Variants in KCNJ3 observed in about 807,000 individuals in gnomAD.
KCNJ3 encodes the protein G protein-activated inward rectifier potassium channel 1.
Under a neutral mutation model 39.2 loss-of-function variants are expected in KCNJ3, and 4 were observed. The ratio of observed to expected loss-of-function variants is 0.10; its 90% confidence interval spans 0.05 to 0.23. KCNJ3 has a LOEUF of 0.23. Among genes scored for constraint, KCNJ3 ranks in the 10% least tolerant of loss-of-function variants. The pLI, the probability that KCNJ3 is intolerant of heterozygous loss-of-function variation, is 1.00. For missense variants in KCNJ3, 276 were observed against 634.9 expected, an observed-to-expected ratio of 0.43 and a Z score of 6.08; for synonymous variants, 230 against 237.4, an observed-to-expected ratio of 0.97 and a Z score of 0.29.
At position 154,856,892 on chromosome 2, in the gene KCNJ3, C is replaced by T. The variant is rs1025168894; in HGVS notation, c.*1579C>T. 1 of 152,032 alleles carries T rather than the reference C, an allele frequency of 6.6e-6. No individual in the cohort carries two copies. Among genetic ancestry groups the T allele is most frequent in the Non-Finnish European group, 1.5e-5 (1 of 68,018 alleles). The allele number at this position is 152,032 out of a possible 1,614,324, so 9.4% of individuals were successfully genotyped here. ...TAAAACTTCTTTAAGTATTGTAATT[C>T]CAGTCTGCCCCAACTTTAAAAAAAA... On this transcript the variant is annotated 3_prime_UTR_variant, in exon 3 of 3. Coordinates refer to ENST00000295101, the MANE Select transcript of KCNJ3 (RefSeq NM_002239.4).
chr2:154,769,812 A>G (rs1000487828), intron 2 of KCNJ3, among the ~76,000 whole-genome samples: 2 of 151,998 alleles, frequency 1.3e-5, no homozygotes, highest in Admixed American at 6.6e-5. Context: ...TGGACTCTAT[A>G]TACTATCCCA....
chr2:154,758,241 C>A (rs1158463620), intron 2 of KCNJ3, among the ~76,000 whole-genome samples: 8 of 138,528 alleles, frequency 5.8e-5, no homozygotes, highest in Non-Finnish European at 1.3e-4. Context: ...TGGTCAGTAG[C>A]ATTGTTTAGA....
At chr2:154,702,630 A>G (rs1684923475) in intron 1 of KCNJ3, among the ~76,000 whole-genome samples, 1 of 151,926 alleles carries the variant, frequency 6.6e-6, no homozygotes, top group South Asian at 2.1e-4. Context: ...AAACACTAAA[A>G]TATCTTTCAG....
intron 2 of KCNJ3, among the ~76,000 whole-genome samples, chr2:154,828,278 G>C (rs1336065432): frequency 2.0e-5 from 3 of 152,158 alleles, no homozygotes; most frequent in Non-Finnish European, 1.5e-5. Flanking sequence ...CTTTGTAAAA[G>C]CTATCCAAGT....
intron 2 of KCNJ3, among the ~76,000 whole-genome samples, chr2:154,831,162 T>TCTCATAAGACTGTGTCACAGC (rs1218856330): frequency 6.6e-6 from 1 of 152,138 alleles, no homozygotes; most frequent in African/African-American, 2.4e-5. Context: ...CAAAACACAG[T>TCTCATAAGACTGTGTCACAGC]CTCATAAGAC....
chr2:154,784,788 A>G (rs1228446241), intron 2 of KCNJ3, among the ~76,000 whole-genome samples: 1 of 152,208 alleles, frequency 6.6e-6, no homozygotes, highest in African/African-American at 2.4e-5. Context: ...TTTGTAAGCT[A>G]GCTCTGCAAA....
At chr2:154,788,742 T>C (rs949851423) in intron 2 of KCNJ3, among the ~76,000 whole-genome samples, 3 of 151,818 alleles carry the variant, frequency 2.0e-5, no homozygotes, top group African/African-American at 7.3e-5. Context: ...TTAATATGGG[T>C]GGGAAAATAT....
chr2:154,854,610 T>C (rs1687808363), intron 2 of KCNJ3, 117 bp from the exon 3 acceptor site: 1 of 664,300 alleles, frequency 1.5e-6, no homozygotes, highest in East Asian at 2.7e-5. Context: ...TTATTCGGGC[T>C]TCAGATAAAC....
At chr2:154,734,144 A>G (rs1208295970) in intron 2 of KCNJ3, among the ~76,000 whole-genome samples, 1 of 152,206 alleles carries the variant, frequency 6.6e-6, no homozygotes, top group African/African-American at 2.4e-5. Flanking sequence ...AGAAAAGAAT[A>G]TTTGCATCCC....
At chr2:154,731,566 C>T (rs917380649) in intron 2 of KCNJ3, among the ~76,000 whole-genome samples, 1 of 151,620 alleles carries the variant, frequency 6.6e-6, no homozygotes, top group Non-Finnish European at 1.5e-5. Context: ...AGGCAAATAA[C>T]TTCTTTGGGT....
chr2:154,787,572 A>G (rs1192991114), intron 2 of KCNJ3, among the ~76,000 whole-genome samples: 1 of 152,022 alleles, frequency 6.6e-6, no homozygotes, highest in Non-Finnish European at 1.5e-5. Context: ...ACCTCTTCTT[A>G]TTCTTTCTGT....
chr2:154,855,348 T>C lies in KCNJ3; in HGVS notation c.*35T>C. 7.2e-7 allele frequency: 1 copy of C among 1,379,848 alleles called. No homozygotes were observed. Among genetic ancestry groups the C allele is most frequent in the Non-Finnish European group, 9.9e-7 (1 of 1,010,180 alleles). The allele number at this position is 1,379,848 out of a possible 1,614,324, so 85.5% of individuals were successfully genotyped here. ...CCCTTAGGCATTATTTAATGTTTGA[T>C]TTAGTAATAGTCCAATATTTGGCGA... On this transcript the variant is annotated 3_prime_UTR_variant, in exon 3 of 3. Coordinates refer to ENST00000295101, the MANE Select transcript of KCNJ3 (RefSeq NM_002239.4).
At chr2:154,770,871 A>G (rs1467435704) in intron 2 of KCNJ3, among the ~76,000 whole-genome samples, 1 of 145,900 alleles carries the variant, frequency 6.9e-6, no homozygotes, top group Non-Finnish European at 1.5e-5. Context: ...AAGTCTCAAG[A>G]TTTTTTTCTT....
chr2:154,719,831 A>G (rs1298153690), intron 2 of KCNJ3, among the ~76,000 whole-genome samples: 1 of 152,146 alleles, frequency 6.6e-6, no homozygotes, highest in African/African-American at 2.4e-5. Flanking sequence ...GGTAATGATA[A>G]TGAGTGGATA....
chr2:154,824,899 T>C (rs1176704010), intron 2 of KCNJ3, among the ~76,000 whole-genome samples: 3 of 152,206 alleles, frequency 2.0e-5, no homozygotes, highest in Non-Finnish European at 4.4e-5. Flanking sequence ...CAGTGGGGTC[T>C]TCTCAAAAGT....
chr2:154,758,709 A>G (rs1308170051), intron 2 of KCNJ3, among the ~76,000 whole-genome samples: 1 of 152,176 alleles, frequency 6.6e-6, no homozygotes, highest in Non-Finnish European at 1.5e-5. Flanking sequence ...CTCTGGAGAA[A>G]TTGCAGTCTT....
At chr2:154,847,157 T>C (rs1293787557) in intron 2 of KCNJ3, among the ~76,000 whole-genome samples, 2 of 152,168 alleles carry the variant, frequency 1.3e-5, no homozygotes, top group African/African-American at 4.8e-5. Context: ...GCAACCTGTA[T>C]CTCAAAAGAG....
intron 2 of KCNJ3, among the ~76,000 whole-genome samples, chr2:154,718,668 A>G (rs1685219303): frequency 6.6e-6 from 1 of 152,184 alleles, no homozygotes; most frequent in South Asian, 2.1e-4. Flanking sequence ...TTTTGTCAAG[A>G]CTGAAATCAC....
intron 2 of KCNJ3, among the ~76,000 whole-genome samples, chr2:154,822,892 A>G (rs1276317317): frequency 6.6e-6 from 1 of 151,846 alleles, no homozygotes; most frequent in Non-Finnish European, 1.5e-5. Flanking sequence ...ATAGTGTAAT[A>G]TTTGTTAAAT....
Sources: allele counts gnomAD v4.1 joint callset (sites outside exome capture counted in the v4.1 genomes callset), GRCh38; gene constraint gnomAD v4.1.1; transcripts MANE v1.5; gene names NCBI Gene and HGNC (gene_info 2026-07-23, HGNC 2026-07-21).